Variants in GLCCI1 observed in about 807,000 individuals in gnomAD.
The protein encoded by GLCCI1 is glucocorticoid-induced transcript 1 protein.
GLCCI1 carries 24 observed loss-of-function variants against 52.2 expected under a neutral mutation model. The ratio of observed to expected loss-of-function variants is 0.46; its 90% CI spans 0.33 to 0.65. The LOEUF is 0.65. GLCCI1 is among the 30% of genes least tolerant of loss of function. The probability of loss-of-function intolerance (pLI) is 0.02; values close to 1 mark genes in which losing one functional copy is unlikely to be tolerated. For synonymous variants in GLCCI1, 310 were observed against 276.5 expected (o/e 1.12, Z -1.20); for missense variants, 704 against 701.5 (o/e 1.00, Z -0.04).
rs1780286158 is a variant in GLCCI1, at chr7:7,969,376, C to T, written c.26C>T (p.Ser9Phe). 2.0e-6 allele frequency: 3 copies of T among 1,484,916 alleles called. No homozygotes were observed. Among genetic ancestry groups the T allele is most frequent in the Non-Finnish European group, 2.7e-6 (3 of 1,119,464 alleles). 92.0% of individuals were successfully genotyped at this position (1,484,916 alleles called of 1,614,324 possible). A position where few individuals can be genotyped will look rare whatever the true frequency, so the allele number is the denominator to read the frequency against. Residue 9 changes from serine to phenylalanine, a missense_variant, in exon 1 of 8, where the codon TCC becomes TTC. Physicochemically the swap from Ser to Phe is radical, Grantham distance 155. This residue lies in a region of GLCCI1 where 547 missense variants were observed against 524.8 expected (regional missense o/e 1.04). Transcript: ENST00000223145. The surrounding 1 kb of genome is among the most constrained non-coding windows in gnomAD (Gnocchi z 4.9). ...ATGTCCACTGCCTCCTCCTCCTCCT[C>T]CTCCAGTTCCTCTCAGACCCCTCAT... MSTASSSS[S>F]SSSSQTPHPP...
chr7:8,055,722 G>C, intron 4 of GLCCI1, 173 bp downstream of exon 4: 1 of 472,482 alleles, frequency 2.1e-6, no homozygotes, highest in Non-Finnish European at 3.8e-6. Flanking sequence ...GGCCTTGGTG[G>C]CTCACGCCTG....
intron 1 of GLCCI1, among the ~76,000 whole-genome samples, chr7:8,002,466 T>G (rs926700766): frequency 3.9e-5 from 6 of 152,160 alleles, no homozygotes; most frequent in Admixed American, 1.3e-4. Flanking sequence ...AGAGCTAAAG[T>G]AATACAGATA....
chr7:8,084,749 C>T (rs1050133055), intron 6 of GLCCI1, 148 bp from the exon 7 acceptor site: 1 of 678,824 alleles, frequency 1.5e-6, no homozygotes, highest in African/African-American at 1.8e-5. Context: ...ATGTGCTACA[C>T]AGGGTATAAG....
intron 3 of GLCCI1, among the ~76,000 whole-genome samples, chr7:8,051,624 A>G (rs947391031): frequency 1.3e-5 from 2 of 152,222 alleles, no homozygotes; most frequent in Non-Finnish European, 2.9e-5. Flanking sequence ...CAGTGGAAGG[A>G]GAGTTCCAGT....
intron 1 of GLCCI1, among the ~76,000 whole-genome samples, chr7:7,998,435 C>G (rs1370808098): frequency 6.6e-6 from 1 of 152,174 alleles, no homozygotes; most frequent in African/African-American, 2.4e-5. Context: ...AAGCTGGTCT[C>G]AATCTCCTGA....
At chr7:8,046,222 G>A (rs1209861198) in intron 3 of GLCCI1, among the ~76,000 whole-genome samples, 2 of 152,074 alleles carry the variant, frequency 1.3e-5, no homozygotes, top group Non-Finnish European at 2.9e-5. Context: ...GAACAAAGAG[G>A]TAAAGAGGTT....
intron 2 of GLCCI1, among the ~76,000 whole-genome samples, chr7:8,005,945 C>T (rs189796842): frequency 8.8e-4 from 134 of 152,148 alleles, no homozygotes; most frequent in Non-Finnish European, 1.5e-3. Flanking sequence ...ATTACAGGTG[C>T]CTGCCACCAT....
At chr7:8,071,474 C>G (rs1383274074) in intron 6 of GLCCI1, among the ~76,000 whole-genome samples, 1 of 152,078 alleles carries the variant, frequency 6.6e-6, no homozygotes, top group Admixed American at 6.5e-5. Context: ...ATGGTAAAAT[C>G]AAGCTTAAAG....
intron 1 of GLCCI1, chr7:7,980,942 G>A: frequency 1.7e-6 from 1 of 592,334 alleles, no homozygotes. Context: ...GAACCTACAA[G>A]GGAACAATTA....
In GLCCI1 at chr7:8,057,618, C is replaced by G. The variant is rs142052997; in HGVS notation, c.813+2069C>G. ...CTAACAAAGCTCAACAAACTGCATA[C>G]TTAAAATGGGAGAATTTTATTGTAT... is the stretch of plus-strand genomic sequence containing the variant. On this transcript the variant is annotated intron_variant, in intron 4 of 7. Coordinates refer to ENST00000223145, the MANE Select transcript of GLCCI1 (RefSeq NM_138426.4). Among the ~76,000 whole-genome samples the G allele has an allele frequency of 7.0e-3, 1,067 of 152,046 alleles. 3 individuals are homozygous for G. Among genetic ancestry groups the G allele is most frequent in the Non-Finnish European group, 0.011 (753 of 67,976 alleles).
chr7:8,003,054 T>C (rs1170807031), intron 1 of GLCCI1, among the ~76,000 whole-genome samples: 2 of 152,250 alleles, frequency 1.3e-5, no homozygotes, highest in African/African-American at 4.8e-5. Flanking sequence ...ATAAAGTTAT[T>C]TATACATGTT....
At chr7:7,992,543 G>A (rs37996) in intron 1 of GLCCI1, among the ~76,000 whole-genome samples, 87,030 of 151,896 alleles carry the variant, frequency 0.57, 25,876 homozygotes, top group African/African-American at 0.74. Context: ...AGCTTTATCA[G>A]ATATATTTGA....
intron 2 of GLCCI1, among the ~76,000 whole-genome samples, chr7:8,009,061 A>C (rs1781210008): frequency 6.6e-6 from 1 of 152,214 alleles, no homozygotes; most frequent in African/African-American, 2.4e-5. Flanking sequence ...TATTCTGAGG[A>C]TTATAAGATA....
At chr7:8,031,899 C>G (rs1050777372) in intron 3 of GLCCI1, among the ~76,000 whole-genome samples, 8 of 151,882 alleles carry the variant, frequency 5.3e-5, no homozygotes, top group African/African-American at 1.9e-4. Context: ...GAACTTAAAA[C>G]AATCATAAGG....
intron 1 of GLCCI1, among the ~76,000 whole-genome samples, chr7:7,994,139 A>G (rs912797877): frequency 1.3e-5 from 2 of 152,142 alleles, no homozygotes; most frequent in South Asian, 2.1e-4. Context: ...TTGTAATCCC[A>G]GCTACTTGGG....
At chr7:7,970,372 T>G (rs946596543) in intron 1 of GLCCI1, 1 of 151,484 alleles carries the variant, frequency 6.6e-6, no homozygotes, top group Non-Finnish European at 1.5e-5. Flanking sequence ...CAGTCCTCCC[T>G]CTCTCCCTCT....
At chr7:7,996,682 G>GT (rs1780944336) in intron 1 of GLCCI1, among the ~76,000 whole-genome samples, 1 of 152,152 alleles carries the variant, frequency 6.6e-6, no homozygotes, top group Non-Finnish European at 1.5e-5. Context: ...TGGTTTGTTT[G>GT]TTTTTCCTGA....
At chr7:8,060,320 G>T in intron 5 of GLCCI1, 72 bp downstream of exon 5, 1 of 1,202,412 alleles carries the variant, frequency 8.3e-7, no homozygotes, top group South Asian at 1.4e-5. Flanking sequence ...TACTTTCTTG[G>T]TAACAGCTTT....
chr7:7,998,338 C>T (rs1359451509), intron 1 of GLCCI1, among the ~76,000 whole-genome samples: 2 of 152,054 alleles, frequency 1.3e-5, no homozygotes, highest in African/African-American at 2.4e-5. Context: ...GCCTCAGCCT[C>T]CTGAGTAGCT....
Sources: allele counts gnomAD v4.1 joint callset (sites outside exome capture counted in the v4.1 genomes callset), GRCh38; gene constraint gnomAD v4.1.1; regional missense constraint gnomAD v4.1.1; non-coding constraint Gnocchi (gnomAD v3.1); transcripts MANE v1.5; gene names NCBI Gene and HGNC (gene_info 2026-07-23, HGNC 2026-07-21).